Variants in RTTN observed in about 807,000 individuals in gnomAD.
The protein encoded by RTTN is rotatin.
RTTN carries 182 observed loss-of-function variants against 269.2 expected under a neutral mutation model. The ratio of observed to expected loss-of-function variants is 0.68; its 90% CI spans 0.60 to 0.76. The LOEUF is 0.76. Ranked by LOEUF, RTTN falls within the 30% of genes least tolerant of loss-of-function variation. The pLI is 0.00. For synonymous variants in RTTN, 1,006 were observed against 963.5 expected (o/e 1.04, Z -0.82); for missense variants, 2,545 against 2,608.6 (o/e 0.98, Z 0.53).
intron 14 of RTTN, 93 bp downstream of exon 14, chr18:70,165,969 T>C (rs1373626526): frequency 1.6e-6 from 2 of 1,285,668 alleles, no homozygotes; most frequent in African/African-American, 1.5e-5. Context: ...TTATATCTCA[T>C]ACAAAAGGTC....
At chr18:70,173,450 G>C (rs933372291) in intron 11 of RTTN, among the ~76,000 whole-genome samples, 4 of 137,788 alleles carry the variant, frequency 2.9e-5, no homozygotes, top group Non-Finnish European at 4.5e-5. Flanking sequence ...CGGAGATCAC[G>C]CCACTGAACT....
intron 28 of RTTN, among the ~76,000 whole-genome samples, chr18:70,097,947 G>T (rs1250450441): frequency 6.6e-6 from 1 of 152,066 alleles, no homozygotes; most frequent in Non-Finnish European, 1.5e-5. Flanking sequence ...TTACCGCTGT[G>T]GCAGGTCCTC....
intron 3 of RTTN, among the ~76,000 whole-genome samples, chr18:70,202,704 C>A (rs557391381): frequency 6.6e-6 from 1 of 152,308 alleles, no homozygotes; most frequent in South Asian, 2.1e-4. Context: ...CCTGCATCTG[C>A]TACAGGTTAG....
At chr18:70,172,647 T>A (rs955225607) in intron 11 of RTTN, among the ~76,000 whole-genome samples, 1 of 152,064 alleles carries the variant, frequency 6.6e-6, no homozygotes, top group Non-Finnish European at 1.5e-5. Context: ...AATTAGATAA[T>A]TGATTTGTTT....
chr18:70,180,489 C>T (rs531469985), intron 10 of RTTN, among the ~76,000 whole-genome samples: 15 of 150,984 alleles, frequency 9.9e-5, no homozygotes, highest in African/African-American at 2.9e-4. Flanking sequence ...GGCTGAGGCA[C>T]GAAAATTGCT....
chr18:70,098,815 C>T (rs1296514262), intron 28 of RTTN, among the ~76,000 whole-genome samples: 2 of 152,002 alleles, frequency 1.3e-5, no homozygotes, highest in Non-Finnish European at 2.9e-5. Context: ...CATGACAGGC[C>T]CTGGTGTGTG....
At chr18:70,163,368 G>A (rs1357791715) in intron 14 of RTTN, among the ~76,000 whole-genome samples, 7 of 150,788 alleles carry the variant, frequency 4.6e-5, no homozygotes, top group South Asian at 4.2e-4. Flanking sequence ...GTGACACAGC[G>A]AGACTCCATC....
chr18:70,123,330 T>C (rs2059785537), intron 25 of RTTN, among the ~76,000 whole-genome samples: 1 of 151,694 alleles, frequency 6.6e-6, no homozygotes. Flanking sequence ...CAAATACTTA[T>C]TTCTCTGTGG....
chr18:70,086,561 A>T, intron 32 of RTTN, 52 bp downstream of exon 32: 1 of 1,328,968 alleles, frequency 7.5e-7, no homozygotes, highest in Admixed American at 2.0e-5. Context: ...AAAATTTATC[A>T]CCAATTAATT....
At chr18:70,042,382 T>C (rs2057369566) in intron 40 of RTTN, among the ~76,000 whole-genome samples, 1 of 140,340 alleles carries the variant, frequency 7.1e-6, no homozygotes, top group Non-Finnish European at 1.6e-5. Flanking sequence ...TTTTTTTTTT[T>C]TTTTTTTTTT....
intron 14 of RTTN, among the ~76,000 whole-genome samples, chr18:70,162,886 G>GAAAAAAAAAA (rs5825997): frequency 4.0e-5 from 2 of 50,200 alleles, no homozygotes; most frequent in African/African-American, 7.7e-5. Context: ...AATAAAAGTT[G>GAAAAAAAAAA]AAAAAAAAAA....
chr18:70,147,297 ATGTTTAGATACACAAATGCCACTG>A (rs1599769169), intron 17 of RTTN, among the ~76,000 whole-genome samples: 1 of 152,222 alleles, frequency 6.6e-6, no homozygotes, highest in East Asian at 1.9e-4. Context: ...AACCTTTTCT[ATGTTTAGATACACAAATGCCACTG>A]TGTTACAACT....
intron 38 of RTTN, among the ~76,000 whole-genome samples, chr18:70,052,873 G>C (rs1211656322): frequency 6.6e-6 from 1 of 151,978 alleles, no homozygotes; most frequent in East Asian, 1.9e-4. Flanking sequence ...TTCAGATATT[G>C]ACATTTTTTC....
chr18:70,172,889 T>C (rs1047579421), intron 11 of RTTN, among the ~76,000 whole-genome samples: 2 of 152,184 alleles, frequency 1.3e-5, no homozygotes, highest in East Asian at 3.9e-4. Flanking sequence ...CAATACTTAA[T>C]AGCAAGCAAT....
intron 11 of RTTN, among the ~76,000 whole-genome samples, chr18:70,176,192 T>C (rs2061290035): frequency 7.1e-6 from 1 of 141,680 alleles, no homozygotes; most frequent in Non-Finnish European, 1.5e-5. Flanking sequence ...TACGTAGATG[T>C]AGATGTAGAT....
At chr18:70,140,750 G>A (rs1285236037) in intron 19 of RTTN, among the ~76,000 whole-genome samples, 2 of 152,046 alleles carry the variant, frequency 1.3e-5, no homozygotes, top group African/African-American at 2.4e-5. Flanking sequence ...TATTATGTTT[G>A]TAATAAAGAA....
At chr18:70,153,412 T>G (rs2060591507) in intron 14 of RTTN, among the ~76,000 whole-genome samples, 1 of 152,182 alleles carries the variant, frequency 6.6e-6, no homozygotes, top group South Asian at 2.1e-4. Context: ...AAGGCTCTTT[T>G]CTGTACTTTA....
chr18:70,141,970 T>C (rs2060268646), intron 19 of RTTN, among the ~76,000 whole-genome samples: 3 of 152,176 alleles, frequency 2.0e-5, no homozygotes, highest in Admixed American at 1.3e-4. Flanking sequence ...AGAAAGAAGA[T>C]AATTCTATCA....
At chr18:70,111,282 G>A (rs143351789) in intron 27 of RTTN, among the ~76,000 whole-genome samples, 1,881 of 152,310 alleles carry the variant, frequency 0.012, 23 homozygotes, top group South Asian at 0.038. Flanking sequence ...CTCCTAGTAG[G>A]GGCCAACCGA....
Sources: allele counts gnomAD v4.1 joint callset (sites outside exome capture counted in the v4.1 genomes callset), GRCh38; gene constraint gnomAD v4.1.1; transcripts MANE v1.5; gene names NCBI Gene and HGNC (gene_info 2026-07-23, HGNC 2026-07-21).